Variants in TRIM2 observed in about 807,000 individuals in gnomAD.
TRIM2 encodes tripartite motif-containing protein 2.
A neutral mutation model predicts 75.2 loss-of-function variants in TRIM2; 20 were observed. The observed-to-expected ratio is 0.27, with a 90% CI of 0.19 to 0.39. The LOEUF (loss-of-function observed/expected upper bound fraction) is 0.39. Ranked by LOEUF, TRIM2 falls within the 10% of genes least tolerant of loss-of-function variation. The probability of loss-of-function intolerance (pLI) is 1.00; values close to 1 mark genes in which losing one functional copy is unlikely to be tolerated. For synonymous variants in TRIM2, 373 were observed against 388.3 expected (o/e 0.96, Z 0.46); for missense variants, 660 against 990.8 (o/e 0.67, Z 4.48).
At chr4:153,282,737 C>T (rs547193655) in intron 3 of TRIM2, among the ~76,000 whole-genome samples, 32 of 151,438 alleles carry the variant, frequency 2.1e-4, no homozygotes, top group Admixed American at 7.9e-4. Context: ...GTTAAGGCAC[C>T]GAGCCTGGCC....
chr4:153,250,834 C>A (rs1286703505), intron 1 of TRIM2, among the ~76,000 whole-genome samples: 1 of 152,210 alleles, frequency 6.6e-6, no homozygotes, highest in African/African-American at 2.4e-5. Flanking sequence ...AAGGGCTATC[C>A]TGATCCTTGA....
intron 1 of TRIM2, among the ~76,000 whole-genome samples, chr4:153,164,572 A>G (rs982526656): frequency 6.6e-6 from 1 of 152,244 alleles, no homozygotes; most frequent in African/African-American, 2.4e-5. Flanking sequence ...GATAAAAACA[A>G]TCAAAGTCTC....
At chr4:153,200,208 G>A (rs960901246), upstream of TRIM2, among the ~76,000 whole-genome samples, 2 of 152,290 alleles carry the variant, frequency 1.3e-5, no homozygotes, top group East Asian at 1.9e-4. Context: ...TGGGATTACA[G>A]GCGTGAGCCA....
intron 8 of TRIM2, among the ~76,000 whole-genome samples, chr4:153,320,467 C>T (rs1219153094): frequency 2.0e-5 from 3 of 152,178 alleles, no homozygotes; most frequent in Non-Finnish European, 4.4e-5. Flanking sequence ...TAAAGCATAA[C>T]CTATGAGAAT....
In TRIM2 at chr4:153,206,524, C is replaced by T. The variant is rs577948016; in HGVS notation, c.30+1964C>T. On this transcript the variant is annotated intron_variant, in intron 1 of 11. Transcript: ENST00000338700. ...GGGAGGGTCTTGGAGCTTTCATGTC[C>T]TCTCCGGGCGCCACTCTCCCAGCGT... 2.6e-5 allele frequency among the ~76,000 whole-genome samples: 4 copies of T among 152,224 alleles called. No individual in the cohort carries two copies. The South Asian group carries it at 8.3e-4, about 32-fold the overall frequency.
chr4:153,293,747 A>G (rs1270164238), intron 4 of TRIM2, among the ~76,000 whole-genome samples: 1 of 152,244 alleles, frequency 6.6e-6, no homozygotes, highest in Non-Finnish European at 1.5e-5. Context: ...TAGTAATTCA[A>G]AGAACTTGGA....
At chr4:153,219,596 C>A (rs186169300) in intron 1 of TRIM2, among the ~76,000 whole-genome samples, 1 of 152,156 alleles carries the variant, frequency 6.6e-6, no homozygotes, top group African/African-American at 2.4e-5. Context: ...GGGCCTAGAA[C>A]GGTAGCTTAC....
At chr4:153,304,267 C>T (rs1366715015) in intron 6 of TRIM2, among the ~76,000 whole-genome samples, 5 of 152,076 alleles carry the variant, frequency 3.3e-5, no homozygotes, top group African/African-American at 1.2e-4. Context: ...GCGTGCACCA[C>T]CACACCTGGC....
chr4:153,225,223 C>T (rs967280576), intron 1 of TRIM2, among the ~76,000 whole-genome samples: 3 of 152,160 alleles, frequency 2.0e-5, no homozygotes. Flanking sequence ...TGGTTTATAT[C>T]AAATATGTCT....
intron 1 of TRIM2, among the ~76,000 whole-genome samples, chr4:153,246,605 T>C (rs572182622): frequency 1.3e-5 from 2 of 152,340 alleles, no homozygotes; most frequent in Middle Eastern, 3.4e-3. Flanking sequence ...GCCTAGCACA[T>C]AGTAGAAGCT....
At chr4:153,252,580 C>T (rs763371085) in intron 1 of TRIM2, among the ~76,000 whole-genome samples, 1 of 152,184 alleles carries the variant, frequency 6.6e-6, no homozygotes, top group Non-Finnish European at 1.5e-5. Context: ...GGCATGATCT[C>T]GGCTCACTGC....
upstream of TRIM2, chr4:153,152,400 A>G (rs1728806615): frequency 2.4e-5 from 1 of 41,184 alleles, no homozygotes; most frequent in South Asian, 1.0e-3. Context: ...ATACATATAT[A>G]TATGTGTGTA....
At chr4:153,152,784 CT>C (rs1378993108), upstream of TRIM2, among the ~76,000 whole-genome samples, 3 of 152,070 alleles carry the variant, frequency 2.0e-5, no homozygotes, top group African/African-American at 4.8e-5. Context: ...GCGAAAGAGC[CT>C]TTTGCATTTG....
At chr4:153,252,769 A>G (rs1751177709) in intron 1 of TRIM2, among the ~76,000 whole-genome samples, 1 of 152,138 alleles carries the variant, frequency 6.6e-6, no homozygotes, top group African/African-American at 2.4e-5. Flanking sequence ...CAGCCTCCCA[A>G]AGTGCTGGGA....
At chr4:153,290,719 G>T (rs752055914) in intron 3 of TRIM2, among the ~76,000 whole-genome samples, 2 of 152,096 alleles carry the variant, frequency 1.3e-5, no homozygotes, top group East Asian at 3.9e-4. Context: ...CTCGAACTCC[G>T]AAGCTCAAGC....
intron 1 of TRIM2, among the ~76,000 whole-genome samples, chr4:153,166,495 C>T (rs1304833190): frequency 2.2e-5 from 2 of 90,284 alleles, no homozygotes; most frequent in South Asian, 4.6e-4. Context: ...TCCCTTCCTT[C>T]CCTCCCTCCC....
rs1772582053 is a variant in TRIM2, at chr4:153,337,460, T to C, written c.*2494T>C. On this transcript the variant is annotated 3_prime_UTR_variant, in exon 12 of 12. Transcript: ENST00000338700. ...ATAGTTTGATTCAGACCTGCTCCAC[T>C]ATGTGTTGCTAAAACACATGCTATG... The C allele has an allele frequency of 1.0e-6, 1 of 985,756 alleles. No individual in the cohort carries two copies. 61.1% of individuals were successfully genotyped at this position (985,756 alleles called of 1,614,324 possible). A position where few individuals can be genotyped will look rare whatever the true frequency, so the allele number is the denominator to read the frequency against.
intron 1 of TRIM2, among the ~76,000 whole-genome samples, chr4:153,159,498 G>T (rs999685872): frequency 6.6e-6 from 1 of 151,678 alleles, no homozygotes; most frequent in East Asian, 1.9e-4. Context: ...AAGAGACAGG[G>T]TCTCGCCATA....
intron 1 of TRIM2, among the ~76,000 whole-genome samples, chr4:153,233,062 G>A (rs186257903): frequency 1.6e-3 from 246 of 152,318 alleles, no homozygotes; most frequent in Non-Finnish European, 3.0e-3. Context: ...GAGTGGGTGC[G>A]GCCTCTGAGT....
Sources: gnomAD v4.1 joint callset for allele counts (sites outside exome capture counted in the v4.1 genomes callset) on GRCh38, gnomAD v4.1.1 for gene constraint, MANE v1.5 for transcripts, NCBI Gene and HGNC (gene_info 2026-07-23, HGNC 2026-07-21) for gene names.